CACNA2D1: variants seen among roughly 807,000 people sequenced by gnomAD.
CACNA2D1 encodes the protein calcium voltage-gated channel auxiliary subunit alpha2delta 1.
In CACNA2D1, 53 loss-of-function variants were observed where a neutral mutation model predicts 171.5. The ratio of observed to expected loss-of-function variants is 0.31; its 90% CI spans 0.25 to 0.39. The LOEUF is 0.39. Among genes scored for constraint, CACNA2D1 ranks in the 10% least tolerant of loss-of-function variants. CACNA2D1 has a pLI of 1.00. For synonymous variants in CACNA2D1, 442 were observed against 443.1 expected, an observed-to-expected ratio of 1.00 and a Z score of 0.03; for missense variants, 903 against 1,299.8, an observed-to-expected ratio of 0.69 and a Z score of 4.69.
At chr7:82,081,949 C>A (rs529227826) in intron 7 of CACNA2D1, among the ~76,000 whole-genome samples, 1 of 152,318 alleles carries the variant, frequency 6.6e-6, no homozygotes, top group South Asian at 2.1e-4. Context: ...TTAGACCAGG[C>A]ATGTCATAAG....
Position 82,088,017 on chromosome 7 carries a change from C to T in CACNA2D1, c.527-3117G>A, listed in dbSNP as rs1310632405. 2.6e-5 allele frequency among the ~76,000 whole-genome samples: 4 copies of T among 152,248 alleles called. No homozygotes were observed. The East Asian group carries it at 7.7e-4, about 29-fold the overall frequency. Reference sequence around the variant, plus strand: ...GTCTCTATCTCTCCCCAGGATGCCCCTTAGCCCCTATCTCTGTTTCTGTCT... The same window carrying T: ...GTCTCTATCTCTCCCCAGGATGCCCTTTAGCCCCTATCTCTGTTTCTGTCT... On this transcript the variant is annotated intron_variant, in intron 6 of 38. Coordinates refer to ENST00000356860, the MANE Select transcript of CACNA2D1 (RefSeq NM_000722.4).
At chr7:82,012,356 T>C in intron 14 of CACNA2D1, 113 bp from the exon 15 acceptor site, 1 of 694,938 alleles carries the variant, frequency 1.4e-6, no homozygotes, top group Non-Finnish European at 2.6e-6. Flanking sequence ...GAATCAAAAT[T>C]ATTGACACTG....
chr7:82,234,284 T>C (rs772272722), intron 3 of CACNA2D1, among the ~76,000 whole-genome samples: 34 of 152,134 alleles, frequency 2.2e-4, no homozygotes, highest in Admixed American at 6.5e-4. Context: ...ATATGCTGTG[T>C]CACATCTTCC....
intron 4 of CACNA2D1, among the ~76,000 whole-genome samples, chr7:82,158,723 T>C (rs1386369493): frequency 1.3e-5 from 2 of 151,920 alleles, no homozygotes; most frequent in Non-Finnish European, 2.9e-5. Flanking sequence ...AGAGGTTAAA[T>C]AATTGGCTGA....
intron 1 of CACNA2D1, among the ~76,000 whole-genome samples, chr7:82,436,783 A>G (rs1212940842): frequency 6.6e-6 from 1 of 152,144 alleles, no homozygotes; most frequent in Non-Finnish European, 1.5e-5. Flanking sequence ...AGATTTTTGC[A>G]GTCTGCCTGA....
chr7:82,348,000 T>C (rs73152933), intron 2 of CACNA2D1, among the ~76,000 whole-genome samples: 3,503 of 152,122 alleles, frequency 0.023, 41 homozygotes, highest in Non-Finnish European at 0.035. Flanking sequence ...AAAGGAACAA[T>C]GAGGCCAGCC....
At chr7:82,274,552 C>A (rs929404396) in intron 3 of CACNA2D1, among the ~76,000 whole-genome samples, 1 of 152,046 alleles carries the variant, frequency 6.6e-6, no homozygotes, top group Non-Finnish European at 1.5e-5. Context: ...TTATAGACAC[C>A]GCACACTCTA....
At chr7:82,332,528 AAGAAAGAAAGAAAG>A (rs1332192692) in intron 3 of CACNA2D1, among the ~76,000 whole-genome samples, 10 of 50,824 alleles carry the variant, frequency 2.0e-4, no homozygotes, top group African/African-American at 4.3e-4. Context: ...GAAAGAAAGA[AAGAAAGAAAGAAAG>A]AAAGAAAGAA....
At chr7:82,231,990 T>C (rs1443944064) in intron 3 of CACNA2D1, among the ~76,000 whole-genome samples, 5 of 152,170 alleles carry the variant, frequency 3.3e-5, no homozygotes, top group African/African-American at 1.2e-4. Flanking sequence ...CAATAAACTG[T>C]CATTCTATTT....
intron 24 of CACNA2D1, 37 bp from the exon 25 acceptor site, chr7:81,974,589 A>ATGTTTTTTTT: frequency 7.1e-6 from 8 of 1,126,066 alleles, no homozygotes; most frequent in Non-Finnish European, 1.1e-5. Flanking sequence ...AGATATTAAA[A>ATGTTTTTTTT]TCAAAACTTT....
chr7:82,021,048 A>G (rs895571413), intron 12 of CACNA2D1: 2 of 152,162 alleles, frequency 1.3e-5, no homozygotes, highest in African/African-American at 4.8e-5. Context: ...ACTAGCAACT[A>G]TAATGAATCA....
intron 3 of CACNA2D1, among the ~76,000 whole-genome samples, chr7:82,313,293 T>A (rs1814702261): frequency 6.6e-6 from 1 of 152,160 alleles, no homozygotes; most frequent in Admixed American, 6.5e-5. Flanking sequence ...CACCCTCAAA[T>A]ATATTTCTTT....
At chr7:82,332,203 A>G (rs1042028475) in intron 3 of CACNA2D1, among the ~76,000 whole-genome samples, 5 of 152,084 alleles carry the variant, frequency 3.3e-5, no homozygotes, top group Admixed American at 2.0e-4. Flanking sequence ...CTGGGATTAC[A>G]GGCACCTGCC....
intron 38 of CACNA2D1, among the ~76,000 whole-genome samples, chr7:81,958,614 A>C (rs1793722598): frequency 6.6e-6 from 1 of 152,054 alleles, no homozygotes; most frequent in African/African-American, 2.4e-5. Context: ...TTATTAGAGA[A>C]AGATAGCTGA....
At chr7:82,438,055 A>G (rs1024185541) in intron 1 of CACNA2D1, among the ~76,000 whole-genome samples, 7 of 152,154 alleles carry the variant, frequency 4.6e-5, no homozygotes, top group Non-Finnish European at 1.0e-4. Context: ...CTTTAGAATC[A>G]CTTTTTTAAT....
At chr7:82,332,575 G>GAAAGAAAGAAAGAGAAAGAAC (rs1817508202) in intron 3 of CACNA2D1, among the ~76,000 whole-genome samples, 1 of 104,730 alleles carries the variant, frequency 9.5e-6, no homozygotes, top group Non-Finnish European at 2.3e-5. Flanking sequence ...AGAACGAACA[G>GAAAGAAAGAAAGAGAAAGAAC]AAAATTTTTG....
chr7:82,008,760 T>A (rs960249970), intron 15 of CACNA2D1, among the ~76,000 whole-genome samples: 3 of 152,144 alleles, frequency 2.0e-5, no homozygotes, highest in African/African-American at 7.2e-5. Flanking sequence ...GGATTTGGAA[T>A]AATTATTCAC....
At chr7:82,394,720 A>T (rs1825591295) in intron 1 of CACNA2D1, among the ~76,000 whole-genome samples, 1 of 152,192 alleles carries the variant, frequency 6.6e-6, no homozygotes, top group Non-Finnish European at 1.5e-5. Flanking sequence ...GATGAACTCC[A>T]CCATTAGAAG....
At chr7:81,992,589 TAAATA>T (rs1382986331) in intron 20 of CACNA2D1, among the ~76,000 whole-genome samples, 1 of 152,124 alleles carries the variant, frequency 6.6e-6, no homozygotes, top group Non-Finnish European at 1.5e-5. Context: ...CTGCAAGTTA[TAAATA>T]AAATACAGTA....
Sources: gnomAD v4.1 joint callset for allele counts (sites outside exome capture counted in the v4.1 genomes callset) on GRCh38, gnomAD v4.1.1 for gene constraint, MANE v1.5 for transcripts, NCBI Gene and HGNC (gene_info 2026-07-23, HGNC 2026-07-21) for gene names.